The following ERC2 variants were observed in gnomAD, a reference collection of about 807,000 sequenced individuals.
ERC2 encodes ERC protein 2.
In ERC2, 42 loss-of-function variants were observed where a neutral mutation model predicts 114.8. The observed-to-expected ratio is 0.37, with a 90% CI of 0.29 to 0.47. The LOEUF (loss-of-function observed/expected upper bound fraction) is 0.47, where lower values mean the gene tolerates loss of function less well. ERC2 is among the 20% of genes least tolerant of loss of function. The pLI, the probability that ERC2 is intolerant of heterozygous loss-of-function variation, is 0.99. For synonymous variants in ERC2, 454 were observed against 425.5 expected, an observed-to-expected ratio of 1.07 and a Z score of -0.82; for missense variants, 939 against 1,150.7, an observed-to-expected ratio of 0.82 and a Z score of 2.66.
chr3:56,212,748 A>ATG (rs143167915), intron 3 of ERC2, among the ~76,000 whole-genome samples: 450 of 151,538 alleles, frequency 3.0e-3, no homozygotes, highest in African/African-American at 3.7e-3. Flanking sequence ...TGATATATAT[A>ATG]TGTGTGTGTG....
At chr3:55,711,198 G>C (rs976234459) in intron 15 of ERC2, among the ~76,000 whole-genome samples, 1 of 152,106 alleles carries the variant, frequency 6.6e-6, no homozygotes, top group African/African-American at 2.4e-5. Flanking sequence ...TGAGATAGGA[G>C]CCTCACTTCT....
intron 6 of ERC2, among the ~76,000 whole-genome samples, chr3:56,117,470 T>C (rs2079302368): frequency 6.6e-6 from 1 of 152,194 alleles, no homozygotes; most frequent in Admixed American, 6.5e-5. Context: ...CCTTAGAAGA[T>C]ATCCTCAACA....
chr3:56,024,433 T>A (rs1027634489), intron 7 of ERC2, among the ~76,000 whole-genome samples: 1 of 151,994 alleles, frequency 6.6e-6, no homozygotes, highest in Non-Finnish European at 1.5e-5. Flanking sequence ...CTAACAAGAG[T>A]GGCTTCAACT....
intron 3 of ERC2, among the ~76,000 whole-genome samples, chr3:56,206,971 T>C (rs973760950): frequency 6.6e-6 from 1 of 152,200 alleles, no homozygotes; most frequent in African/African-American, 2.4e-5. Context: ...CCAATAATAA[T>C]TCAATTAAAT....
chr3:56,212,169 C>T (rs2049105875), intron 3 of ERC2, among the ~76,000 whole-genome samples: 1 of 152,062 alleles, frequency 6.6e-6, no homozygotes, highest in Non-Finnish European at 1.5e-5. Context: ...AAACAGAGAA[C>T]TGACAGAGTA....
chr3:55,977,750 C>T (rs2069707132), intron 12 of ERC2, among the ~76,000 whole-genome samples: 1 of 152,152 alleles, frequency 6.6e-6, no homozygotes, highest in African/African-American at 2.4e-5. Context: ...TTCACATACA[C>T]TTGAAATCAA....
intron 14 of ERC2, among the ~76,000 whole-genome samples, chr3:55,797,305 G>C (rs1476223230): frequency 6.6e-6 from 1 of 152,108 alleles, no homozygotes; most frequent in East Asian, 1.9e-4. Context: ...CACATAAATA[G>C]CAGAGGTTGC....
chr3:55,684,431 T>C (rs2062222560), intron 16 of ERC2, among the ~76,000 whole-genome samples: 2 of 152,138 alleles, frequency 1.3e-5, no homozygotes, highest in South Asian at 4.1e-4. Flanking sequence ...GCGATCTTCT[T>C]AGTTGACAGA....
chr3:56,435,769 T>C (rs1000148844), intron 1 of ERC2, among the ~76,000 whole-genome samples: 1 of 152,252 alleles, frequency 6.6e-6, no homozygotes, highest in Admixed American at 6.5e-5. Context: ...ACCTACTGGC[T>C]ATCCTGGAGA....
chr3:56,020,908 G>C (rs1227633612), intron 7 of ERC2, among the ~76,000 whole-genome samples: 1 of 152,132 alleles, frequency 6.6e-6, no homozygotes, highest in Non-Finnish European at 1.5e-5. Context: ...GGAAAGACTA[G>C]GGAGACTGAG....
intron 12 of ERC2, among the ~76,000 whole-genome samples, chr3:55,963,173 G>A (rs2068510448): frequency 6.6e-6 from 1 of 152,190 alleles, no homozygotes; most frequent in South Asian, 2.1e-4. Context: ...AGGGAACACT[G>A]CAATTTCCCT....
At chr3:55,924,084 A>G (rs143399079) in intron 13 of ERC2, among the ~76,000 whole-genome samples, 2 of 152,310 alleles carry the variant, frequency 1.3e-5, no homozygotes, top group African/African-American at 2.4e-5. Context: ...TGCCTTTTCA[A>G]CTGTTTGGGA....
rs575726059 is a variant in ERC2 at position 55,621,739 on chromosome 3, G to C, written c.*39+62055C>G. Among the ~76,000 whole-genome samples the C allele has an allele frequency of 1.1e-4, 16 of 152,326 alleles. No homozygotes were observed. In the East Asian group the frequency reaches 2.7e-3, roughly 26 times the overall value. ...CCTTGGGAAAAAGAATTCCTAGTCTGGGCCTTAGAAAATGCCAGGAGACAG... is the reference window on the plus strand; with the variant it reads ...CCTTGGGAAAAAGAATTCCTAGTCTCGGCCTTAGAAAATGCCAGGAGACAG... On this transcript the variant is annotated intron_variant, in intron 17 of 17. Transcript: ENST00000288221.
intron 17 of ERC2, among the ~76,000 whole-genome samples, chr3:55,555,311 G>C (rs879868419): frequency 6.6e-6 from 1 of 151,992 alleles, no homozygotes; most frequent in Admixed American, 6.6e-5. Flanking sequence ...AAACCCTATC[G>C]GCCCCAGCTT....
intron 13 of ERC2, among the ~76,000 whole-genome samples, chr3:55,940,481 C>A (rs961848978): frequency 2.6e-5 from 4 of 152,096 alleles, no homozygotes. Flanking sequence ...GCTGCAGCCA[C>A]AACTTCATTG....
intron 2 of ERC2, among the ~76,000 whole-genome samples, chr3:56,300,928 A>C (rs2150368582): frequency 6.6e-6 from 1 of 152,278 alleles, no homozygotes; most frequent in East Asian, 1.9e-4. Context: ...GGCATTTATA[A>C]CAGAAATAGA....
intron 3 of ERC2, among the ~76,000 whole-genome samples, chr3:56,284,925 A>C (rs745599179): frequency 2.7e-5 from 4 of 150,676 alleles, no homozygotes; most frequent in Admixed American, 6.6e-5. Flanking sequence ...AGTTGGAGGC[A>C]GCTTCTCTCT....
intron 6 of ERC2, among the ~76,000 whole-genome samples, chr3:56,113,938 T>C (rs1195414472): frequency 6.6e-6 from 1 of 152,172 alleles, no homozygotes; most frequent in African/African-American, 2.4e-5. Flanking sequence ...ATAAGGTTCA[T>C]ATATTTAGAG....
intron 3 of ERC2, chr3:56,173,752 T>C: frequency 2.0e-6 from 1 of 498,390 alleles, no homozygotes; most frequent in South Asian, 2.6e-5. Context: ...CAATAATTAA[T>C]GTCAACTGTG....
Sources: allele counts gnomAD v4.1 joint callset (sites outside exome capture counted in the v4.1 genomes callset), GRCh38; gene constraint gnomAD v4.1.1; transcripts MANE v1.5; gene names NCBI Gene and HGNC (gene_info 2026-07-23, HGNC 2026-07-21).